KAZN: variants seen among roughly 807,000 people sequenced by gnomAD.
KAZN encodes the protein kazrin, periplakin interacting protein, also known as kazrin.
In KAZN, 40 loss-of-function variants were observed where a neutral mutation model predicts 87.4. That is an observed-to-expected ratio of 0.46 (90% confidence interval 0.36 to 0.60). KAZN has a LOEUF of 0.60. Among genes scored for constraint, KAZN ranks in the 20% least tolerant of loss-of-function variants. KAZN has a pLI of 0.00. For missense variants in KAZN, 898 were observed against 1,073.9 expected, an observed-to-expected ratio of 0.84 and a Z score of 2.29; for synonymous variants, 466 against 458.3, an observed-to-expected ratio of 1.02 and a Z score of -0.22.
intron 1 of KAZN, among the ~76,000 whole-genome samples, chr1:14,164,913 G>T (rs1020698025): frequency 1.3e-5 from 2 of 152,144 alleles, no homozygotes; most frequent in Non-Finnish European, 2.9e-5. Context: ...GTAATTTGGG[G>T]GAGAAGTAGC....
chr1:14,488,989 A>G (rs1303616506), intron 2 of KAZN, among the ~76,000 whole-genome samples: 1 of 152,204 alleles, frequency 6.6e-6, no homozygotes, highest in Non-Finnish European at 1.5e-5. Context: ...GTAAATGTTT[A>G]TGGCGATTAA....
chr1:13,992,556 A>G (rs1052598105), intron 1 of KAZN, among the ~76,000 whole-genome samples: 14 of 152,208 alleles, frequency 9.2e-5, no homozygotes, highest in African/African-American at 3.4e-4. Flanking sequence ...CTGTTAGCCA[A>G]ACCAGCTTGA....
Position 15,112,463 on chromosome 1 carries a change from G to GC in KAZN, c.2090dup (p.Gly698TrpfsTer43). 6.2e-7 allele frequency: 1 copy of GC among 1,607,124 alleles called. No individual in the cohort carries two copies. The highest frequency in any genetic ancestry group is 8.5e-7 in the Non-Finnish European group (1 of 1,177,374). ...TCCGGGAGGCTGAGCGTTTTGGAAC[G>GC]CCCCCTGGCAGGGCCTCCAGCGTCA... On this transcript the variant is annotated frameshift_variant, in exon 14 of 15. Transcript: ENST00000376030. LOFTEE classifies it high-confidence loss of function.
chr1:14,893,394 G>A (rs1399835489), intron 1 of KAZN, among the ~76,000 whole-genome samples: 1 of 152,122 alleles, frequency 6.6e-6, no homozygotes, highest in Non-Finnish European at 1.5e-5. Context: ...AATAGAAATG[G>A]CCCCTGGGAG....
chr1:13,974,280 T>A (rs1321509469), intron 1 of KAZN, among the ~76,000 whole-genome samples: 1 of 152,250 alleles, frequency 6.6e-6, no homozygotes, highest in African/African-American at 2.4e-5. Context: ...AATCTAGGCA[T>A]AATGGGCCAC....
At chr1:14,417,951 A>G (rs570230379) in intron 2 of KAZN, among the ~76,000 whole-genome samples, 7 of 139,238 alleles carry the variant, frequency 5.0e-5, no homozygotes, top group Non-Finnish European at 1.1e-4. Flanking sequence ...AGCAGAAATC[A>G]CACCACTGCA....
At chr1:14,387,568 G>A (rs1476701839) in intron 2 of KAZN, among the ~76,000 whole-genome samples, 7 of 152,164 alleles carry the variant, frequency 4.6e-5, no homozygotes, top group South Asian at 2.1e-4. Context: ...TGGAGTACCC[G>A]GCCATGTGAG....
intron 2 of KAZN, among the ~76,000 whole-genome samples, chr1:14,356,016 C>A (rs1658992609): frequency 6.6e-6 from 1 of 152,206 alleles, no homozygotes; most frequent in South Asian, 2.1e-4. Flanking sequence ...CTGTCTTCCA[C>A]AATGGTTGAA....
At chr1:14,063,517 T>G (rs1474546443) in intron 1 of KAZN, among the ~76,000 whole-genome samples, 1 of 152,158 alleles carries the variant, frequency 6.6e-6, no homozygotes, top group Non-Finnish European at 1.5e-5. Context: ...TAATCAGGTT[T>G]GGAGGGTGAT....
intron 1 of KAZN, among the ~76,000 whole-genome samples, chr1:14,663,914 C>T (rs1639347240): frequency 6.6e-6 from 1 of 152,220 alleles, no homozygotes; most frequent in South Asian, 2.1e-4. Context: ...AAGCTGGAAA[C>T]AACCCAAGTG....
intron 1 of KAZN, among the ~76,000 whole-genome samples, chr1:13,922,965 T>C (rs1277354382): frequency 1.3e-5 from 2 of 152,184 alleles, no homozygotes; most frequent in Non-Finnish European, 2.9e-5. Context: ...GGCTTGCCAG[T>C]TGCACAGGTC....
intron 1 of KAZN, among the ~76,000 whole-genome samples, chr1:14,732,082 G>A (rs56758486): frequency 0.13 from 20,417 of 152,222 alleles, 1,426 homozygotes; most frequent in Non-Finnish European, 0.15. Context: ...AAAACACAGC[G>A]ACACCTGTCG....
At chr1:14,339,105 T>A (rs552878755) in intron 2 of KAZN, among the ~76,000 whole-genome samples, 3 of 146,026 alleles carry the variant, frequency 2.1e-5, no homozygotes, top group Non-Finnish European at 4.6e-5. Flanking sequence ...AGACAGAGAC[T>A]GAGAGAGAGA....
At chr1:14,136,260 A>G (rs1423188772) in intron 1 of KAZN, among the ~76,000 whole-genome samples, 1 of 152,018 alleles carries the variant, frequency 6.6e-6, no homozygotes, top group Admixed American at 6.6e-5. Context: ...GCACAAGCGG[A>G]TGTCCTCTGG....
intron 2 of KAZN, among the ~76,000 whole-genome samples, chr1:14,374,708 T>C (rs986830948): frequency 2.0e-5 from 3 of 152,180 alleles, no homozygotes; most frequent in Non-Finnish European, 2.9e-5. Flanking sequence ...TCTCAGAATG[T>C]AGATTCCTGG....
At chr1:15,036,230 A>ACCC (rs1672253981) in intron 3 of KAZN, among the ~76,000 whole-genome samples, 1 of 30,124 alleles carries the variant, frequency 3.3e-5, no homozygotes, top group African/African-American at 1.5e-4. Flanking sequence ...CTCTCCCCCC[A>ACCC]TCCCCCTCTG....
intron 1 of KAZN, among the ~76,000 whole-genome samples, chr1:14,733,456 C>A (rs987436315): frequency 2.0e-5 from 3 of 152,140 alleles, no homozygotes; most frequent in African/African-American, 7.2e-5. Context: ...AACACTTCAG[C>A]AATAGTTGAA....
At position 14,467,727 on chromosome 1, in the gene KAZN, G is replaced by A. The variant is rs554215435; in HGVS notation, c.250-131256G>A. The stretch of plus-strand genomic sequence containing the variant: ...TTTACATCGCCCTCAGTTGAATCCA[G>A]GAGTTCAAATGATGCTGTTGGGATT... On this transcript the variant is annotated intron_variant, in intron 2 of 16. Coordinates refer to the KAZN transcript ENST00000636203. 1.9e-3 allele frequency among the ~76,000 whole-genome samples: 282 copies of A among 148,206 alleles called. 1 individual carries two copies. Among genetic ancestry groups the A allele is most frequent in the Admixed American group, 3.3e-3 (49 of 14,830 alleles).
At chr1:14,151,363 T>C (rs1645470668) in intron 1 of KAZN, among the ~76,000 whole-genome samples, 1 of 152,206 alleles carries the variant, frequency 6.6e-6, no homozygotes, top group African/African-American at 2.4e-5. Flanking sequence ...ATTTCTTAGC[T>C]GTTTTCCTCT....
Sources: allele counts gnomAD v4.1 joint callset (sites outside exome capture counted in the v4.1 genomes callset), GRCh38; gene constraint gnomAD v4.1.1; transcripts MANE v1.5; gene names NCBI Gene and HGNC (gene_info 2026-07-23, HGNC 2026-07-21).